Variants in ZNF362 observed in about 807,000 individuals in gnomAD.
ZNF362 encodes zinc finger protein 362, also known as rotund homolog.
ZNF362 carries 11 observed loss-of-function variants against 42.9 expected under a neutral mutation model. The ratio of observed to expected loss-of-function variants is 0.26; its 90% CI spans 0.16 to 0.42. The LOEUF (loss-of-function observed/expected upper bound fraction) is 0.42. Among genes scored for constraint, ZNF362 ranks in the 20% least tolerant of loss-of-function variants. The probability of loss-of-function intolerance (pLI) is 1.00; values close to 1 mark genes in which losing one functional copy is unlikely to be tolerated. For synonymous variants in ZNF362, 255 were observed against 257.3 expected (o/e 0.99, Z 0.09); for missense variants, 362 against 576.2 (o/e 0.63, Z 3.81).
In ZNF362 at chr1:33,294,826, A is replaced by G. The variant is rs1230932711; in HGVS notation, c.909-111A>G. 1.7e-6 allele frequency: 2 copies of G among 1,171,304 alleles called. No individual in the cohort carries two copies. Among genetic ancestry groups the G allele is most frequent in the Non-Finnish European group, 2.5e-6 (2 of 802,984 alleles). 72.6% of individuals were successfully genotyped at this position (1,171,304 alleles called of 1,614,324 possible). ...GGCTCACTCTTGGTCCTTGGGGAGC[A>G]TGGGCAGGGTAGGGACCGAGAGGCT... On this transcript the variant is annotated intron_variant, in intron 6 of 8. Transcript: ENST00000539719. The surrounding 1 kb of genome is among the most constrained non-coding windows in gnomAD (Gnocchi z 4.2).
the ZNF362 span, among the ~76,000 whole-genome samples, chr1:33,249,861 C>T: frequency 6.6e-6 from 1 of 152,128 alleles, no homozygotes; most frequent in Non-Finnish European, 1.5e-5. Context: ...TTAATACCTG[C>T]TCTATAAAGT....
chr1:33,139,366 C>T, the ZNF362 span, among the ~76,000 whole-genome samples: 2 of 152,178 alleles, frequency 1.3e-5, no homozygotes, highest in Non-Finnish European at 2.9e-5. Flanking sequence ...ATTCTCTCTG[C>T]ACCCAGCATG....
chr1:33,297,263 C>G (rs1646131482), intron 8 of ZNF362, among the ~76,000 whole-genome samples: 2 of 152,196 alleles, frequency 1.3e-5, no homozygotes, highest in Non-Finnish European at 1.5e-5. Context: ...CCTCCTACAC[C>G]ATCAACCAAT....
At chr1:33,176,524 C>A in the ZNF362 span, 3 of 654,820 alleles carry the variant, frequency 4.6e-6, no homozygotes, top group East Asian at 5.5e-5. Flanking sequence ...GAATCGGATC[C>A]CCTCTCTGGG....
intron 1 of ZNF362, among the ~76,000 whole-genome samples, chr1:33,269,817 C>T (rs1020950564): frequency 6.6e-6 from 1 of 152,118 alleles, no homozygotes; most frequent in Non-Finnish European, 1.5e-5. Flanking sequence ...TGACATTCCT[C>T]CCTGGGCTGC....
At chr1:33,276,829 C>T (rs1038819912) in intron 4 of ZNF362, among the ~76,000 whole-genome samples, 1 of 152,236 alleles carries the variant, frequency 6.6e-6, no homozygotes, top group East Asian at 1.9e-4. Flanking sequence ...CGACAGGAGC[C>T]GGTCACTGCC....
At chr1:33,215,564 C>G in the ZNF362 span, among the ~76,000 whole-genome samples, 1 of 151,910 alleles carries the variant, frequency 6.6e-6, no homozygotes, top group Admixed American at 6.6e-5. Context: ...CAATGGATAC[C>G]CTGATTACCC....
chr1:33,257,426 C>T (rs1384025133), intron 1 of ZNF362, among the ~76,000 whole-genome samples: 13 of 136,922 alleles, frequency 9.5e-5, no homozygotes, highest in Middle Eastern at 3.8e-3. Flanking sequence ...TTCTTTCTTT[C>T]TTTTTTTTTT....
At chr1:33,222,629 T>C in the ZNF362 span, among the ~76,000 whole-genome samples, 1 of 152,248 alleles carries the variant, frequency 6.6e-6, no homozygotes, top group Non-Finnish European at 1.5e-5. Flanking sequence ...AGTGTCATCC[T>C]GCCTTCTTTC....
intron 6 of ZNF362, among the ~76,000 whole-genome samples, chr1:33,285,479 A>G (rs986921730): frequency 6.6e-6 from 1 of 152,196 alleles, no homozygotes; most frequent in Non-Finnish European, 1.5e-5. Context: ...TTTTAATCCC[A>G]TAAAGCATTA....
chr1:33,187,091 G>A, the ZNF362 span, among the ~76,000 whole-genome samples: 1 of 152,110 alleles, frequency 6.6e-6, no homozygotes, highest in Non-Finnish European at 1.5e-5. Context: ...CAAAACCTCA[G>A]AATGATCGAT....
the ZNF362 span, among the ~76,000 whole-genome samples, chr1:33,239,413 A>C: frequency 5.3e-5 from 8 of 152,186 alleles, no homozygotes; most frequent in Non-Finnish European, 1.2e-4. Context: ...ACACATCAGA[A>C]AGTAGGGAAG....
chr1:33,235,830 C>T, the ZNF362 span, among the ~76,000 whole-genome samples: 28 of 152,214 alleles, frequency 1.8e-4, no homozygotes, highest in Admixed American at 7.9e-4. Context: ...AGAAGCCTGA[C>T]TAGAGTTTGG....
chr1:33,136,117 T>TCCTC, the ZNF362 span, among the ~76,000 whole-genome samples: 7 of 31,176 alleles, frequency 2.2e-4, no homozygotes, highest in Non-Finnish European at 8.8e-5. Context: ...GGCCAGCCCT[T>TCCTC]CCTTCCTTCC....
At chr1:33,278,792 T>C (rs752306816) in intron 4 of ZNF362, among the ~76,000 whole-genome samples, 2 of 152,228 alleles carry the variant, frequency 1.3e-5, no homozygotes, top group Non-Finnish European at 2.9e-5. Flanking sequence ...TCTGTGTCAC[T>C]GTATCACATC....
At chr1:33,222,364 T>G in the ZNF362 span, among the ~76,000 whole-genome samples, 2 of 152,192 alleles carry the variant, frequency 1.3e-5, no homozygotes, top group Non-Finnish European at 2.9e-5. Flanking sequence ...CATCTATTTC[T>G]CTTCATTTGC....
chr1:33,196,719 GTAT>G, the ZNF362 span, among the ~76,000 whole-genome samples: 2 of 152,106 alleles, frequency 1.3e-5, no homozygotes, highest in African/African-American at 4.8e-5. Context: ...TAATTATCAA[GTAT>G]TATGTACTGT....
At chr1:33,282,759 C>T (rs993167048) in intron 6 of ZNF362, among the ~76,000 whole-genome samples, 21 of 150,530 alleles carry the variant, frequency 1.4e-4, no homozygotes, top group Admixed American at 8.6e-4. Flanking sequence ...GAGATGGAGG[C>T]TGCAGTGAGC....
At chr1:33,154,360 C>G in the ZNF362 span, among the ~76,000 whole-genome samples, 1 of 152,224 alleles carries the variant, frequency 6.6e-6, no homozygotes, top group African/African-American at 2.4e-5. Flanking sequence ...ATGTCTGTCA[C>G]AGCTCGGAGA....
Sources: allele counts gnomAD v4.1 joint callset (sites outside exome capture counted in the v4.1 genomes callset), GRCh38; gene constraint gnomAD v4.1.1; non-coding constraint Gnocchi (gnomAD v3.1); transcripts MANE v1.5; gene names NCBI Gene and HGNC (gene_info 2026-07-23, HGNC 2026-07-21).